The following PRTFDC1 variants were observed in gnomAD, a reference collection of about 807,000 sequenced individuals.
PRTFDC1 encodes phosphoribosyltransferase domain-containing protein 1.
In PRTFDC1, 38 loss-of-function variants were observed where a neutral mutation model predicts 34.6. The observed-to-expected ratio is 1.10, with a 90% CI of 0.85 to 1.44. The LOEUF is 1.44. Among genes scored for constraint, PRTFDC1 ranks in the 40% most tolerant of loss-of-function variants. PRTFDC1 has a pLI of 0.00. For synonymous variants in PRTFDC1, 93 were observed against 98.1 expected (o/e 0.95, Z 0.31); for missense variants, 270 against 283.0 (o/e 0.95, Z 0.33).
intron 3 of PRTFDC1, among the ~76,000 whole-genome samples, chr10:24,936,147 C>T (rs760981167): frequency 6.6e-6 from 1 of 152,138 alleles, no homozygotes; most frequent in African/African-American, 2.4e-5. Flanking sequence ...GTTTAGTCAA[C>T]GAGAATATTT....
At chr10:24,873,202 A>G (rs923072431) in intron 3 of PRTFDC1, among the ~76,000 whole-genome samples, 1 of 152,102 alleles carries the variant, frequency 6.6e-6, no homozygotes, top group African/African-American at 2.4e-5. Flanking sequence ...ATGTTTATGT[A>G]TGGTATATTA....
At chr10:24,938,737 A>T (rs1013184501) in intron 2 of PRTFDC1, among the ~76,000 whole-genome samples, 3 of 152,228 alleles carry the variant, frequency 2.0e-5, no homozygotes, top group South Asian at 2.1e-4. Context: ...GAGGCTGTAC[A>T]TATGCACAGC....
Position 24,926,498 on chromosome 10 carries a change from G to A in PRTFDC1, c.339+10686C>T, listed in dbSNP as rs546321111. 3.9e-5 allele frequency among the ~76,000 whole-genome samples: 6 copies of A among 152,204 alleles called. No individual in the cohort carries two copies. In the South Asian group the frequency reaches 6.2e-4, roughly 16 times the overall value. Reference sequence around the variant, plus strand: ...TGAGTAGCTGGGACTACAGGCGCCCGCCACCATACCTGGCTAATTTTTGTA... The same window carrying A: ...TGAGTAGCTGGGACTACAGGCGCCCACCACCATACCTGGCTAATTTTTGTA... On this transcript the variant is annotated intron_variant, in intron 3 of 8. Coordinates refer to ENST00000320152, the MANE Select transcript of PRTFDC1 (RefSeq NM_020200.7).
At chr10:24,869,786 C>A (rs1470320000) in intron 4 of PRTFDC1, among the ~76,000 whole-genome samples, 1 of 152,220 alleles carries the variant, frequency 6.6e-6, no homozygotes, top group African/African-American at 2.4e-5. Context: ...TCACTCAGCA[C>A]CTTTCTCTCC....
At chr10:24,851,047 C>T (rs570484945) in intron 8 of PRTFDC1, among the ~76,000 whole-genome samples, 1 of 152,334 alleles carries the variant, frequency 6.6e-6, no homozygotes, top group South Asian at 2.1e-4. Flanking sequence ...AGTTCAAGCA[C>T]TGACACAAAC....
intron 3 of PRTFDC1, among the ~76,000 whole-genome samples, chr10:24,899,226 C>A (rs76975009): frequency 7.6e-4 from 116 of 152,152 alleles, no homozygotes; most frequent in Non-Finnish European, 1.4e-3. Flanking sequence ...ATTGCTGGAA[C>A]CAGGGAGCCA....
At chr10:24,944,107 C>A (rs1046058428) in intron 1 of PRTFDC1, among the ~76,000 whole-genome samples, 1 of 152,038 alleles carries the variant, frequency 6.6e-6, no homozygotes, top group Non-Finnish European at 1.5e-5. Flanking sequence ...AACTCAGAAG[C>A]CCAGGTCACA....
At chr10:24,851,843 A>G (rs1469571945) in intron 7 of PRTFDC1, among the ~76,000 whole-genome samples, 1 of 151,644 alleles carries the variant, frequency 6.6e-6, no homozygotes, top group African/African-American at 2.4e-5. Flanking sequence ...AACACAAAGG[A>G]AAGTTCAAGC....
intron 3 of PRTFDC1, among the ~76,000 whole-genome samples, chr10:24,892,423 T>A (rs138845916): frequency 5.8e-4 from 88 of 152,274 alleles, no homozygotes; most frequent in African/African-American, 1.9e-3. Flanking sequence ...TTTTTGTCTT[T>A]TTCATAATAG....
At chr10:24,880,347 G>GGCTCAAGTGATTCTCCTGC (rs1013876949) in intron 3 of PRTFDC1, among the ~76,000 whole-genome samples, 1 of 151,630 alleles carries the variant, frequency 6.6e-6, no homozygotes, top group Non-Finnish European at 1.5e-5. Flanking sequence ...CTGCCTCCTG[G>GGCTCAAGTGATTCTCCTGC]GCTCAAGTGA....
chr10:24,934,251 A>AAGAAGAAGAAGG (rs1849015945), intron 3 of PRTFDC1, among the ~76,000 whole-genome samples: 2 of 27,566 alleles, frequency 7.3e-5, no homozygotes, highest in African/African-American at 6.2e-4. Context: ...GAAGAAGGAG[A>AAGAAGAAGAAGG]AGAAGAAGAA....
intron 3 of PRTFDC1, among the ~76,000 whole-genome samples, chr10:24,898,286 CA>C (rs34691185): frequency 0.49 from 36,554 of 75,226 alleles, 6,179 homozygotes; most frequent in African/African-American, 0.56. Flanking sequence ...CCCGTCTCTA[CA>C]AAAAAAAAAA....
chr10:24,893,256 TTCTC>T (rs113269444), intron 3 of PRTFDC1, among the ~76,000 whole-genome samples: 3 of 150,842 alleles, frequency 2.0e-5, no homozygotes, highest in Admixed American at 6.6e-5. Context: ...GATTCTTTTG[TTCTC>T]TCTCTCTCTC....
At chr10:24,929,687 G>T (rs1334427099) in intron 3 of PRTFDC1, among the ~76,000 whole-genome samples, 1 of 152,160 alleles carries the variant, frequency 6.6e-6, no homozygotes, top group East Asian at 1.9e-4. Context: ...CCTCACATTG[G>T]ATTGCATATA....
At chr10:24,875,857 T>G (rs1036995303) in intron 3 of PRTFDC1, among the ~76,000 whole-genome samples, 2 of 148,478 alleles carry the variant, frequency 1.3e-5, no homozygotes, top group Non-Finnish European at 3.0e-5. Flanking sequence ...TTTTTTTTTT[T>G]TTTTTTTTTT....
At chr10:24,863,079 C>G (rs1263369490) in intron 4 of PRTFDC1, among the ~76,000 whole-genome samples, 2 of 151,064 alleles carry the variant, frequency 1.3e-5, no homozygotes, top group East Asian at 4.0e-4. Flanking sequence ...GGGTTTCACC[C>G]TGTTGGCCAG....
chr10:24,872,722 CAA>C (rs1485395415), intron 3 of PRTFDC1, among the ~76,000 whole-genome samples: 2 of 45,360 alleles, frequency 4.4e-5, no homozygotes, highest in Non-Finnish European at 9.5e-5. Flanking sequence ...ATATAATACA[CAA>C]AATATATATA....
At chr10:24,861,225 G>T (rs983720992) in intron 4 of PRTFDC1, among the ~76,000 whole-genome samples, 1 of 152,156 alleles carries the variant, frequency 6.6e-6, no homozygotes, top group Non-Finnish European at 1.5e-5. Flanking sequence ...TTGAGGCCAG[G>T]CGCCGTGGCT....
chr10:24,894,201 T>C lies in PRTFDC1; in HGVS notation c.340-22138A>G, dbSNP rs184767504. ...CAAAAATTAGCTGGGCGTGGCAGCA[T>C]GTGCCTGTAATCCCAGCTACTCGGG... On this transcript the variant is annotated intron_variant, in intron 3 of 8. Coordinates refer to ENST00000320152, the MANE Select transcript of PRTFDC1 (RefSeq NM_020200.7). 4.0e-3 allele frequency among the ~76,000 whole-genome samples: 603 copies of C among 152,034 alleles called. 7 individuals carry two copies. The highest frequency in any genetic ancestry group is 0.014 in the African/African-American group (578 of 41,496).
Sources: allele counts gnomAD v4.1 joint callset (sites outside exome capture counted in the v4.1 genomes callset), GRCh38; gene constraint gnomAD v4.1.1; transcripts MANE v1.5; gene names NCBI Gene and HGNC (gene_info 2026-07-23, HGNC 2026-07-21).